Variants in TGFA observed in about 807,000 individuals in gnomAD.
TGFA encodes transforming growth factor alpha, also known as protransforming growth factor alpha.
A neutral mutation model predicts 21.7 loss-of-function variants in TGFA; 12 were observed. The ratio of observed to expected loss-of-function variants is 0.55; its 90% confidence interval spans 0.35 to 0.90. The LOEUF is 0.90. TGFA is among the 40% of genes least tolerant of loss of function. TGFA has a pLI of 0.01. For missense variants in TGFA, 178 were observed against 210.8 expected (o/e 0.84, Z 0.96); for synonymous variants, 79 against 88.1 (o/e 0.90, Z 0.58).
intron 2 of TGFA, among the ~76,000 whole-genome samples, chr2:70,486,857 G>C (rs1671285665): frequency 6.6e-6 from 1 of 152,054 alleles, no homozygotes; most frequent in South Asian, 2.1e-4. Context: ...CCACCTCCCG[G>C]GTTCACACTC....
intron 2 of TGFA, among the ~76,000 whole-genome samples, chr2:70,490,197 T>C (rs764370888): frequency 6.6e-6 from 1 of 152,302 alleles, no homozygotes; most frequent in Non-Finnish European, 1.5e-5. Context: ...TGTAGCAAAA[T>C]TTATTGAAAA....
intron 2 of TGFA, among the ~76,000 whole-genome samples, chr2:70,511,493 G>T (rs1672098523): frequency 6.6e-6 from 1 of 152,254 alleles, no homozygotes; most frequent in South Asian, 2.1e-4. Flanking sequence ...TAAGTAGAAT[G>T]CAAGATACAA....
intron 4 of TGFA, 66 bp downstream of exon 4, chr2:70,456,273 T>C (rs1205127775): frequency 7.3e-6 from 11 of 1,502,996 alleles, no homozygotes; most frequent in Non-Finnish European, 9.9e-6. Flanking sequence ...TATCTGGATA[T>C]ACTGCGGATG....
chr2:70,453,417 C>A, intron 4 of TGFA, 90 bp from the exon 5 acceptor site: 1 of 1,188,088 alleles, frequency 8.4e-7, no homozygotes, highest in Non-Finnish European at 1.2e-6. Flanking sequence ...TGCTGGGCAG[C>A]TCCAGCTCTA....
chr2:70,549,539 T>G (rs1173944995), intron 1 of TGFA, among the ~76,000 whole-genome samples: 2 of 152,132 alleles, frequency 1.3e-5, no homozygotes, highest in African/African-American at 4.8e-5. Flanking sequence ...ATCATTCCAA[T>G]GTAAGGCCTG....
At chr2:70,528,999 T>C (rs1672726784) in intron 1 of TGFA, among the ~76,000 whole-genome samples, 1 of 152,230 alleles carries the variant, frequency 6.6e-6, no homozygotes, top group Admixed American at 6.5e-5. Flanking sequence ...CATCCACCTC[T>C]GGTGAAAATG....
intron 1 of TGFA, among the ~76,000 whole-genome samples, chr2:70,546,076 T>C (rs1326295175): frequency 6.6e-6 from 1 of 152,248 alleles, no homozygotes. Context: ...TACAGTGTTA[T>C]GGAAGATCAA....
intron 2 of TGFA, among the ~76,000 whole-genome samples, chr2:70,488,238 C>G (rs1025290089): frequency 6.6e-6 from 1 of 152,094 alleles, no homozygotes; most frequent in Non-Finnish European, 1.5e-5. Flanking sequence ...TGGTTTGTGT[C>G]TTCCTTTTGC....
chr2:70,497,842 A>T (rs1671622706), intron 2 of TGFA, among the ~76,000 whole-genome samples: 1 of 152,198 alleles, frequency 6.6e-6, no homozygotes, highest in African/African-American at 2.4e-5. Flanking sequence ...AAGCTAATTC[A>T]TATCAAATGC....
intron 2 of TGFA, among the ~76,000 whole-genome samples, chr2:70,497,336 T>A (rs1251353840): frequency 4.6e-5 from 7 of 152,228 alleles, no homozygotes; most frequent in African/African-American, 1.7e-4. Context: ...CACACATTTT[T>A]AACTATTTTC....
intron 2 of TGFA, among the ~76,000 whole-genome samples, chr2:70,476,080 CAAAAAAAAAAAAA>C (rs1175233983): frequency 5.4e-5 from 3 of 55,632 alleles, no homozygotes; most frequent in African/African-American, 1.4e-4. Flanking sequence ...TAATTTTAAG[CAAAAAAAAAAAAA>C]AAAAAAAAAA....
At chr2:70,544,722 A>G (rs1553505622) in intron 1 of TGFA, among the ~76,000 whole-genome samples, 1 of 152,232 alleles carries the variant, frequency 6.6e-6, no homozygotes, top group East Asian at 1.9e-4. Flanking sequence ...TATTCCATAA[A>G]CAGATTCCAA....
At position 70,470,390 on chromosome 2, in the gene TGFA, A is replaced by T. The variant is rs957218856; in HGVS notation, c.95-4654T>A. Reference sequence around the variant, plus strand: ...CTCCTGGCAGTCTTAGCAAGGATGTATAAGGTTCATTAGATAGGAATATAT... The same window carrying T: ...CTCCTGGCAGTCTTAGCAAGGATGTTTAAGGTTCATTAGATAGGAATATAT... On this transcript the variant is annotated intron_variant, in intron 2 of 5. Transcript: ENST00000295400. Among the ~76,000 whole-genome samples, 5 of 152,352 alleles carry T rather than the reference A, an allele frequency of 3.3e-5. No homozygotes were observed. The East Asian group carries it at 9.6e-4, about 29-fold the overall frequency.
intron 1 of TGFA, among the ~76,000 whole-genome samples, chr2:70,533,612 G>A (rs3771477): frequency 0.12 from 14,480 of 125,892 alleles, 977 homozygotes; most frequent in South Asian, 0.26. Context: ...CAGCAGGATA[G>A]GCTGCTGGAT....
chr2:70,538,764 T>C, intron 1 of TGFA, among the ~76,000 whole-genome samples: 1 of 152,226 alleles, frequency 6.6e-6, no homozygotes, highest in East Asian at 1.9e-4. Context: ...ATTGTGGAAA[T>C]GACAACACAG....
chr2:70,478,856 G>T (rs1470005558), intron 2 of TGFA, among the ~76,000 whole-genome samples: 3 of 151,926 alleles, frequency 2.0e-5, no homozygotes, highest in African/African-American at 7.2e-5. Flanking sequence ...CCCTTTTGTG[G>T]TGATTTAGAA....
intron 1 of TGFA, among the ~76,000 whole-genome samples, chr2:70,528,483 G>A (rs903501554): frequency 6.9e-6 from 1 of 144,494 alleles, no homozygotes; most frequent in Non-Finnish European, 1.5e-5. Flanking sequence ...AAAGGCAGGG[G>A]TTGGGGGAGT....
intron 4 of TGFA, 130 bp from the exon 5 acceptor site, chr2:70,453,457 G>A: frequency 1.4e-6 from 1 of 696,572 alleles, no homozygotes; most frequent in East Asian, 2.6e-5. Context: ...CCCCATGGGG[G>A]CTTCTAGAGG....
chr2:70,478,115 C>T (rs1011753524), intron 2 of TGFA, among the ~76,000 whole-genome samples: 1 of 152,156 alleles, frequency 6.6e-6, no homozygotes, highest in Non-Finnish European at 1.5e-5. Flanking sequence ...TGTCCGTTCT[C>T]CATCCTGGAG....
Sources: gnomAD v4.1 joint callset for allele counts (sites outside exome capture counted in the v4.1 genomes callset) on GRCh38, gnomAD v4.1.1 for gene constraint, MANE v1.5 for transcripts, NCBI Gene and HGNC (gene_info 2026-07-23, HGNC 2026-07-21) for gene names.